The following COL5A2 variants were observed in gnomAD, a reference collection of about 807,000 sequenced individuals.
The protein encoded by COL5A2 is collagen alpha-2(V) chain.
Under a neutral mutation model 208.2 loss-of-function variants are expected in COL5A2, and 23 were observed. The ratio of observed to expected loss-of-function variants is 0.11; its 90% CI spans 0.08 to 0.16. The LOEUF is 0.16. Among genes scored for constraint, COL5A2 ranks in the 10% least tolerant of loss-of-function variants. The probability of loss-of-function intolerance (pLI) is 1.00; values close to 1 mark genes in which losing one functional copy is unlikely to be tolerated. For synonymous variants in COL5A2, 625 were observed against 628.5 expected, an observed-to-expected ratio of 0.99 and a Z score of 0.08; for missense variants, 1,590 against 1,956.4, an observed-to-expected ratio of 0.81 and a Z score of 3.53.
At chr2:189,124,154 T>G (rs1397647522) in intron 1 of COL5A2, among the ~76,000 whole-genome samples, 2 of 152,152 alleles carry the variant, frequency 1.3e-5, no homozygotes, top group African/African-American at 4.8e-5. Flanking sequence ...AGAAAATGTG[T>G]GAGAACAAGA....
the COL5A2 span, among the ~76,000 whole-genome samples, chr2:189,323,548 T>C: frequency 6.6e-6 from 1 of 152,084 alleles, no homozygotes; most frequent in African/African-American, 2.4e-5. Flanking sequence ...GAGAGCCAAA[T>C]CATGAGTGAA....
intron 1 of COL5A2, among the ~76,000 whole-genome samples, chr2:189,137,068 T>G (rs560118064): frequency 6.6e-6 from 1 of 152,306 alleles, no homozygotes; most frequent in South Asian, 2.1e-4. Flanking sequence ...ATAATTACAA[T>G]TATTAATCTA....
the COL5A2 span, among the ~76,000 whole-genome samples, chr2:189,295,687 G>A: frequency 2.0e-5 from 3 of 152,100 alleles, no homozygotes; most frequent in Admixed American, 6.6e-5. Context: ...ATTTAGCCAC[G>A]CGGATGTATA....
chr2:189,324,070 C>G, the COL5A2 span, among the ~76,000 whole-genome samples: 11,545 of 152,056 alleles, frequency 0.076, 726 homozygotes, highest in African/African-American at 0.17. Context: ...AAGAAATGGG[C>G]AAAGGATTCC....
At chr2:189,134,359 G>A (rs1326393342) in intron 1 of COL5A2, among the ~76,000 whole-genome samples, 2 of 152,206 alleles carry the variant, frequency 1.3e-5, no homozygotes, top group African/African-American at 4.8e-5. Context: ...GGAGGCCAAG[G>A]CAGGTGGATC....
chr2:189,185,217 G>T (rs1327020222), intron 1 of COL5A2, among the ~76,000 whole-genome samples: 3 of 152,064 alleles, frequency 2.0e-5, no homozygotes, highest in South Asian at 2.1e-4. Flanking sequence ...TAGAGATGGG[G>T]TTTCACCATG....
At chr2:189,189,505 G>C (rs1266532699) in intron 1 of COL5A2, among the ~76,000 whole-genome samples, 1 of 152,242 alleles carries the variant, frequency 6.6e-6, no homozygotes, top group Non-Finnish European at 1.5e-5. Context: ...GCAACATAAT[G>C]AGACCCCATC....
chr2:189,421,356 C>G, the COL5A2 span, among the ~76,000 whole-genome samples: 1 of 152,020 alleles, frequency 6.6e-6, no homozygotes, highest in East Asian at 1.9e-4. Context: ...TATCCACGCA[C>G]GAAATTACCT....
intron 1 of COL5A2, among the ~76,000 whole-genome samples, chr2:189,221,521 A>AAAT (rs928554647): frequency 3.9e-5 from 6 of 151,946 alleles, no homozygotes; most frequent in East Asian, 1.9e-4. Context: ...TGAAAGGCTA[A>AAAT]AATAATAATA....
At chr2:189,094,250 G>T (rs1167920790) in intron 6 of COL5A2, among the ~76,000 whole-genome samples, 1 of 151,996 alleles carries the variant, frequency 6.6e-6, no homozygotes, top group Middle Eastern at 3.4e-3. Flanking sequence ...TAATAAAAAC[G>T]TCTATAAAAA....
chr2:189,159,902 T>A lies in COL5A2; in HGVS notation c.97+19606A>T, dbSNP rs914127227. 1.3e-4 allele frequency among the ~76,000 whole-genome samples: 19 copies of A among 151,604 alleles called. 1 individual carries two copies. In the South Asian group the frequency reaches 1.3e-3, roughly 10 times the overall value. ...CTCAAAAAATAATAATAATAATAAT[T>A]AAATTAAAAATAAATAAATAATTGT... On this transcript the variant is annotated intron_variant, in intron 1 of 53. Coordinates refer to ENST00000374866, the MANE Select transcript of COL5A2 (RefSeq NM_000393.5).
At chr2:189,073,937 C>A (rs1024605371) in intron 17 of COL5A2, among the ~76,000 whole-genome samples, 4 of 152,132 alleles carry the variant, frequency 2.6e-5, no homozygotes, top group African/African-American at 9.7e-5. Context: ...TACTTCAGTT[C>A]CACACATCTC....
At chr2:189,417,275 A>T in the COL5A2 span, among the ~76,000 whole-genome samples, 7 of 152,306 alleles carry the variant, frequency 4.6e-5, no homozygotes, top group South Asian at 8.3e-4. Flanking sequence ...GCATCACTAA[A>T]TATGATTTCT....
chr2:189,037,600 C>T (rs534296006), intron 51 of COL5A2, among the ~76,000 whole-genome samples: 1 of 152,236 alleles, frequency 6.6e-6, no homozygotes, highest in Admixed American at 6.5e-5. Flanking sequence ...GACTTAGGAT[C>T]CCTCTTCTCT....
the COL5A2 span, among the ~76,000 whole-genome samples, chr2:189,301,382 C>T: frequency 6.6e-6 from 1 of 152,158 alleles, no homozygotes; most frequent in African/African-American, 2.4e-5. Flanking sequence ...GTATTATCTG[C>T]TAAATCAGAA....
Position 189,057,349 on chromosome 2 carries a change from C to T in COL5A2, c.2308G>A (p.Ala770Thr). The T allele has an allele frequency of 6.2e-7, 1 of 1,607,370 alleles. No individual in the cohort carries two copies. Among genetic ancestry groups the T allele is most frequent in the Non-Finnish European group, 8.5e-7 (1 of 1,176,510 alleles). Residue 770 changes from alanine to threonine, a missense_variant, in exon 34 of 54, where the codon GCA becomes ACA. Transcript: ENST00000374866. ...LQGMPGERGI[A>T]GTPGPKGDRG... ...TCACCCTTGGGGCCAGGAGTTCCTGCAATTCCTCTTTCTCCCGGCATACCT... is the reference window on the plus strand; with the variant it reads ...TCACCCTTGGGGCCAGGAGTTCCTGTAATTCCTCTTTCTCCCGGCATACCT...
At chr2:189,117,064 C>T (rs1330630982) in intron 1 of COL5A2, among the ~76,000 whole-genome samples, 1 of 151,720 alleles carries the variant, frequency 6.6e-6, no homozygotes, top group Non-Finnish European at 1.5e-5. Flanking sequence ...GCTGTTTTTA[C>T]TTTACTTAAA....
the COL5A2 span, among the ~76,000 whole-genome samples, chr2:189,335,144 T>C: frequency 2.6e-5 from 4 of 152,022 alleles, no homozygotes; most frequent in African/African-American, 9.7e-5. Flanking sequence ...TAAGAGAACA[T>C]CTTCACGACC....
At chr2:189,074,794 C>T (rs1378503752) in intron 17 of COL5A2, among the ~76,000 whole-genome samples, 1 of 152,150 alleles carries the variant, frequency 6.6e-6, no homozygotes, top group Non-Finnish European at 1.5e-5. Flanking sequence ...ACCATAATAA[C>T]TTTAGTTCAC....
Sources: gnomAD v4.1 joint callset for allele counts (sites outside exome capture counted in the v4.1 genomes callset) on GRCh38, gnomAD v4.1.1 for gene constraint, MANE v1.5 for transcripts, NCBI Gene and HGNC (gene_info 2026-07-23, HGNC 2026-07-21) for gene names.